PIAS1: variants seen among roughly 807,000 people sequenced by gnomAD.
The protein encoded by PIAS1 is protein inhibitor of activated STAT 1.
In PIAS1, 6 loss-of-function variants were observed where a neutral mutation model predicts 71.3. The observed-to-expected ratio is 0.08, with a 90% CI of 0.05 to 0.17. The LOEUF (loss-of-function observed/expected upper bound fraction) is 0.17. Ranked by LOEUF, PIAS1 falls within the 10% of genes least tolerant of loss-of-function variation. PIAS1 has a pLI of 1.00. For synonymous variants in PIAS1, 303 were observed against 292.9 expected (o/e 1.03, Z -0.35); for missense variants, 555 against 793.6 (o/e 0.70, Z 3.61).
chr15:68,106,161 T>A (rs2092466719), intron 2 of PIAS1, among the ~76,000 whole-genome samples: 1 of 151,912 alleles, frequency 6.6e-6, no homozygotes, highest in Non-Finnish European at 1.5e-5. Context: ...ATACATACAT[T>A]TTCACACATG....
At chr15:68,163,881 T>C (rs1467384748) in intron 7 of PIAS1, among the ~76,000 whole-genome samples, 2 of 152,172 alleles carry the variant, frequency 1.3e-5, no homozygotes, top group African/African-American at 4.8e-5. Flanking sequence ...ATATTACATA[T>C]ATGTATTTCC....
rs758770172 is a variant in PIAS1, at chr15:68,164,812, T to TTAA, written c.1008+9_1008+11dup. On this transcript the variant is annotated intron_variant, in intron 8 of 13. Coordinates refer to ENST00000249636, the MANE Select transcript of PIAS1 (RefSeq NM_016166.3). ...GTTTCTCTACTATGTCCAGTAAGTG[T>TTAA]TAACTATTACTTGCTTTCCAGAAAG... 1 of 1,496,318 alleles carries TTAA rather than the reference T, an allele frequency of 6.7e-7. No homozygotes were observed. The highest frequency in any genetic ancestry group is 1.2e-5 in the South Asian group (1 of 82,714). The allele number at this position is 1,496,318 out of a possible 1,614,324, so 92.7% of individuals were successfully genotyped here.
At chr15:68,058,829 TTCTC>T (rs961381725) in intron 1 of PIAS1, among the ~76,000 whole-genome samples, 4 of 152,138 alleles carry the variant, frequency 2.6e-5, no homozygotes, top group Non-Finnish European at 5.9e-5. Context: ...ACTTAAGACT[TTCTC>T]TCTGTGAGCA....
chr15:68,161,222 G>A (rs1024072715), intron 7 of PIAS1, among the ~76,000 whole-genome samples: 4 of 152,140 alleles, frequency 2.6e-5, no homozygotes, highest in African/African-American at 7.2e-5. Context: ...TATGAAACAC[G>A]TGGGGATACA....
At position 68,153,623 on chromosome 15, in the gene PIAS1, T is replaced by C. The variant is rs369649389; in HGVS notation, c.862T>C (p.Leu288=). 13 of 1,591,790 alleles carry C rather than the reference T, an allele frequency of 8.2e-6. No individual in the cohort carries two copies. The highest frequency in any genetic ancestry group is 1.3e-5 in the African/African-American group (1 of 74,428). ...YSMAVYLVKQ[L]SSTVLLQRLR... is the part of the protein sequence containing the mutation. ...CATGGCAGTATATCTTGTAAAACAG[T>C]TGTCCTCAACAGTTCTTCTTCAGAG... The change falls in exon 7 of 14, where the codon TTG becomes CTG. Residue 288 remains leucine (L), a synonymous_variant. Coordinates refer to ENST00000249636, the MANE Select transcript of PIAS1 (RefSeq NM_016166.3).
chr15:68,093,340 T>C (rs762714126), intron 2 of PIAS1, among the ~76,000 whole-genome samples: 4 of 152,254 alleles, frequency 2.6e-5, no homozygotes, highest in Non-Finnish European at 5.9e-5. Context: ...AGAATAAACC[T>C]CTGGTTCTTG....
intron 1 of PIAS1, among the ~76,000 whole-genome samples, chr15:68,083,351 A>G (rs148330250): frequency 1.9e-3 from 294 of 152,290 alleles, no homozygotes; most frequent in Non-Finnish European, 3.4e-3. Context: ...CATTTTAAAA[A>G]ATACTGCATG....
intron 2 of PIAS1, among the ~76,000 whole-genome samples, chr15:68,119,682 G>T (rs2092597467): frequency 6.6e-6 from 1 of 152,170 alleles, no homozygotes; most frequent in South Asian, 2.1e-4. Context: ...TCAAAGATCA[G>T]ATTGGTTGGT....
chr15:68,134,763 G>A (rs1284764827), intron 2 of PIAS1, among the ~76,000 whole-genome samples: 11 of 43,436 alleles, frequency 2.5e-4, no homozygotes, highest in African/African-American at 4.4e-4. Context: ...GCCGGGCAGA[G>A]GGGCTCCTCA....
At chr15:68,158,192 T>C (rs1455041097) in intron 7 of PIAS1, among the ~76,000 whole-genome samples, 2 of 152,188 alleles carry the variant, frequency 1.3e-5, no homozygotes, top group Non-Finnish European at 2.9e-5. Context: ...CTTATTACTT[T>C]CCAGGGTCGC....
At chr15:68,129,914 C>G (rs1427548179) in intron 2 of PIAS1, among the ~76,000 whole-genome samples, 3 of 151,646 alleles carry the variant, frequency 2.0e-5, no homozygotes, top group Non-Finnish European at 4.4e-5. Flanking sequence ...GGGTTTTCTT[C>G]ATCCTGTAGG....
intron 2 of PIAS1, among the ~76,000 whole-genome samples, chr15:68,104,606 A>AG (rs1437737898): frequency 1.3e-5 from 2 of 152,192 alleles, no homozygotes; most frequent in Non-Finnish European, 2.9e-5. Context: ...GATCTCATGG[A>AG]GGTAGTGATG....
chr15:68,054,466 G>T lies in PIAS1; in HGVS notation c.24+116G>T. On this transcript the variant is annotated intron_variant, in intron 1 of 13. Transcript: ENST00000249636. The surrounding 1 kb of genome is among the most constrained non-coding windows in gnomAD (Gnocchi z 4.6). ...CTCGGGCCTGACTCCACCCGGGCCT[G>T]GAGTTGTAGGGAGAGAGGCGCGCCC... 1 of 1,110,184 alleles carries T rather than the reference G, an allele frequency of 9.0e-7. No individual in the cohort carries two copies. The highest frequency in any genetic ancestry group is 1.4e-5 in the South Asian group (1 of 70,630). The allele number at this position is 1,110,184 out of a possible 1,614,324, so 68.8% of individuals were successfully genotyped here.
chr15:68,107,132 A>G (rs1175253385), intron 2 of PIAS1, among the ~76,000 whole-genome samples: 3 of 152,182 alleles, frequency 2.0e-5, no homozygotes, highest in East Asian at 1.9e-4. Flanking sequence ...GCTATTCATA[A>G]TATTTCTTCT....
Position 68,176,588 on chromosome 15 carries a change from A to G in PIAS1, c.1415A>G (p.Glu472Gly), listed in dbSNP as rs1192707816. 2 of 1,613,038 alleles carry G rather than the reference A, an allele frequency of 1.2e-6. No individual in the cohort carries two copies. The highest frequency in any genetic ancestry group is 1.7e-6 in the Non-Finnish European group (2 of 1,179,478). The change falls in exon 11 of 14, where the codon GAA becomes GGA. Residue 472 changes from glutamate to glycine, a missense_variant. By Grantham distance (98) the Glu-to-Gly change is moderately conservative. Transcript: ENST00000249636. ...ATAGACAGTTCATCTGATGAAGAGGAAGAAGAGCCATCTGCCAAGAGGACC... is the reference window on the plus strand; with the variant it reads ...ATAGACAGTTCATCTGATGAAGAGGGAGAAGAGCCATCTGCCAAGAGGACC... ...LTIDSSSDEE[E>G]EEPSAKRTCP...
In PIAS1 at chr15:68,087,761, C is replaced by T. The variant is rs970192383; in HGVS notation, c.469+1011C>T. 7.9e-5 allele frequency: 25 copies of T among 318,164 alleles called. 1 individual carries two copies. The highest frequency in any genetic ancestry group is 9.2e-5 in the Non-Finnish European group (14 of 152,886). The allele number at this position is 318,164 out of a possible 1,614,324, so 19.7% of individuals were successfully genotyped here. A position where few individuals can be genotyped will look rare whatever the true frequency, so the allele number is the denominator to read the frequency against. ...TGGCAAGTGTTGAGAACATTTTTTG[C>T]GAATTTTTGAGAACATTTTGAAAAT... is the stretch of plus-strand genomic sequence containing the variant. On this transcript the variant is annotated intron_variant, in intron 2 of 13. Coordinates refer to ENST00000249636, the MANE Select transcript of PIAS1 (RefSeq NM_016166.3).
chr15:68,116,255 A>C (rs925951192), intron 2 of PIAS1, among the ~76,000 whole-genome samples: 8 of 151,840 alleles, frequency 5.3e-5, no homozygotes, highest in African/African-American at 1.9e-4. Flanking sequence ...GAAGTTATCA[A>C]ATTACAAATT....
chr15:68,145,405 G>A (rs1567062521), intron 4 of PIAS1, among the ~76,000 whole-genome samples: 1 of 152,144 alleles, frequency 6.6e-6, no homozygotes, highest in Non-Finnish European at 1.5e-5. Context: ...GATTTATAAT[G>A]CTTATTAGCC....
At chr15:68,105,476 C>T (rs1479484525) in intron 2 of PIAS1, among the ~76,000 whole-genome samples, 1 of 151,878 alleles carries the variant, frequency 6.6e-6, no homozygotes, top group Non-Finnish European at 1.5e-5. Flanking sequence ...AGGTTTGCTA[C>T]ATCAGAATTG....
Sources: allele counts gnomAD v4.1 joint callset (sites outside exome capture counted in the v4.1 genomes callset), GRCh38; gene constraint gnomAD v4.1.1; non-coding constraint Gnocchi (gnomAD v3.1); transcripts MANE v1.5; gene names NCBI Gene and HGNC (gene_info 2026-07-23, HGNC 2026-07-21).